Variants in IWS1 observed in about 807,000 individuals in gnomAD.
The protein encoded by IWS1 is protein IWS1 homolog.
In IWS1, 27 loss-of-function variants were observed where a neutral mutation model predicts 86.7. The ratio of observed to expected loss-of-function variants is 0.31; its 90% CI spans 0.23 to 0.43. IWS1 has a LOEUF of 0.43. Among genes scored for constraint, IWS1 ranks in the 20% least tolerant of loss-of-function variants. The probability of loss-of-function intolerance (pLI) is 1.00; values close to 1 mark genes in which losing one functional copy is unlikely to be tolerated. For missense variants in IWS1, 827 were observed against 1,000.8 expected, an observed-to-expected ratio of 0.83 and a Z score of 2.34; for synonymous variants, 313 against 335.1, an observed-to-expected ratio of 0.93 and a Z score of 0.72.
chr2:127,526,151 C>T, intron 1 of IWS1, 24 bp downstream of exon 1: 3 of 1,590,658 alleles, frequency 1.9e-6, no homozygotes, highest in Non-Finnish European at 2.6e-6. Context: ...CCTCCCAGCC[C>T]GGTCCCCCAG....
At chr2:127,498,026 T>A in intron 6 of IWS1, 114 bp downstream of exon 6, 1 of 731,820 alleles carries the variant, frequency 1.4e-6, no homozygotes. Context: ...AAAACAGGAA[T>A]AGACCCACTC....
At chr2:127,510,911 G>C (rs1216257388) in intron 2 of IWS1, among the ~76,000 whole-genome samples, 1 of 152,076 alleles carries the variant, frequency 6.6e-6, no homozygotes, top group Non-Finnish European at 1.5e-5. Flanking sequence ...ACAAACTTTT[G>C]TGCTTCTCAC....
At chr2:127,508,376 G>A (rs188923811) in intron 2 of IWS1, among the ~76,000 whole-genome samples, 19 of 152,308 alleles carry the variant, frequency 1.2e-4, no homozygotes, top group Non-Finnish European at 2.4e-4. Context: ...GCAGACAACA[G>A]GCATGTTTGC....
intron 2 of IWS1, among the ~76,000 whole-genome samples, 158 bp downstream of exon 2, chr2:127,523,518 C>T (rs1692221956): frequency 6.6e-6 from 1 of 152,206 alleles, no homozygotes; most frequent in Admixed American, 6.5e-5. Flanking sequence ...CAGACCATCC[C>T]TATTTATTTT....
intron 7 of IWS1, among the ~76,000 whole-genome samples, chr2:127,495,357 G>A (rs1386898961): frequency 6.6e-6 from 1 of 152,078 alleles, no homozygotes; most frequent in Non-Finnish European, 1.5e-5. Flanking sequence ...TATTACTTGG[G>A]CAGTTTTTTC....
At chr2:127,521,704 A>G (rs1692105334) in intron 2 of IWS1, among the ~76,000 whole-genome samples, 1 of 152,272 alleles carries the variant, frequency 6.6e-6, no homozygotes, top group Non-Finnish European at 1.5e-5. Context: ...ATGGGTACTC[A>G]AAGTATACAT....
rs1430062499 is a variant in IWS1, at chr2:127,496,076, G to A, written c.1638C>T (p.Asn546=). 3 of 1,613,864 alleles carry A rather than the reference G, an allele frequency of 1.9e-6. No individual in the cohort carries two copies. In the East Asian group the frequency reaches 6.7e-5, roughly 36 times the overall value. Residue 546 remains asparagine, a synonymous_variant, in exon 7 of 14, where the codon AAC becomes AAT. Transcript: ENST00000295321. ...CACTAATAAAGGTGCCACCATCGCG[G>A]TTCCGTCTGCGCTTGCCACTCATGC... ...KKSMSGKRRR[N]RDGGTFISDA...
chr2:127,507,636 T>TA (rs753211505), intron 2 of IWS1, among the ~76,000 whole-genome samples: 1 of 152,320 alleles, frequency 6.6e-6, no homozygotes, highest in Non-Finnish European at 1.5e-5. Flanking sequence ...CTTCATAATT[T>TA]AAAAGAATGC....
chr2:127,494,903 A>G lies in IWS1; in HGVS notation c.1768T>C (p.Leu590=). The change falls in exon 8 of 14, where the codon TTA becomes CTA. Residue 590 remains leucine (L), a synonymous_variant. Transcript: ENST00000295321. ...AGGTGCATAACTACAGCAGGCAGTA[A>G]AGTTAATTTTTTCAGTGCTGGCTTT... ...QKKPALKKLT[L]LPAVVMHLKK... is the part of the protein sequence containing the mutation. 6.2e-7 allele frequency: 1 copy of G among 1,604,996 alleles called. No individual in the cohort carries two copies. The highest frequency in any genetic ancestry group is 8.5e-7 in the Non-Finnish European group (1 of 1,174,950).
chr2:127,498,067 CAA>C (rs1690609358), intron 6 of IWS1, 71 bp downstream of exon 6: 13 of 1,194,284 alleles, frequency 1.1e-5, no homozygotes, highest in Non-Finnish European at 1.5e-5. Flanking sequence ...AAATGAAAAA[CAA>C]AAGAGAGTTT....
In IWS1 at chr2:127,481,180, G is replaced by A. The variant is rs996602495; in HGVS notation, c.2329-5C>T. ...CTTCTTGGAGGTCGCCTGAAACTAA[G>A]AGTAAGGGAAAAATTAAAGAGCAAA... On this transcript the variant is annotated splice_region_variant and splice_polypyrimidine_tract_variant and intron_variant, in intron 13 of 13. Transcript: ENST00000295321. The A allele has an allele frequency of 6.3e-7, 1 of 1,587,398 alleles. No homozygotes were observed. Among genetic ancestry groups the A allele is most frequent in the Non-Finnish European group, 8.5e-7 (1 of 1,172,086 alleles).
At position 127,489,767 on chromosome 2, in the gene IWS1, T is replaced by C. The variant is rs1690124074; in HGVS notation, c.2159+65A>G. On this transcript the variant is annotated intron_variant, in intron 11 of 13. Transcript: ENST00000295321. The surrounding 1 kb of genome is among the most constrained non-coding windows in gnomAD (Gnocchi z 4.8). ...CATCTTGCAGGCTTCCTAATGATCTTACTTAAAACTGAGTTACTGCAACAA... is the reference window on the plus strand; with the variant it reads ...CATCTTGCAGGCTTCCTAATGATCTCACTTAAAACTGAGTTACTGCAACAA... 1 of 883,726 alleles carries C rather than the reference T, an allele frequency of 1.1e-6. No homozygotes were observed. Among genetic ancestry groups the C allele is most frequent in the Non-Finnish European group, 1.9e-6 (1 of 518,996 alleles). 54.7% of individuals were successfully genotyped at this position (883,726 alleles called of 1,614,324 possible). A position where few individuals can be genotyped will look rare whatever the true frequency, so the allele number is the denominator to read the frequency against.
chr2:127,513,471 T>C (rs1359005622), intron 2 of IWS1, among the ~76,000 whole-genome samples: 1 of 152,198 alleles, frequency 6.6e-6, no homozygotes, highest in Admixed American at 6.5e-5. Flanking sequence ...TATCTTTCCA[T>C]GTATGCTTCC....
rs777195207 is a variant in IWS1 at position 127,493,258 on chromosome 2, C to G, written c.1929+23G>C. On this transcript the variant is annotated intron_variant, in intron 9 of 13. Transcript: ENST00000295321. ...ACCACATTAGATAATTAATAAAGAA[C>G]AGTCAGATTATCTGCCTCTAACCTC... The G allele has an allele frequency of 1.9e-6, 3 of 1,596,972 alleles. No homozygotes were observed. In the East Asian group the frequency reaches 6.7e-5, roughly 36 times the overall value.
At chr2:127,520,276 C>T (rs745910131) in intron 2 of IWS1, among the ~76,000 whole-genome samples, 14 of 152,186 alleles carry the variant, frequency 9.2e-5, no homozygotes, top group Non-Finnish European at 1.9e-4. Flanking sequence ...TCAAGAGATT[C>T]TCCTGCCTCA....
intron 2 of IWS1, among the ~76,000 whole-genome samples, chr2:127,510,689 G>C (rs920445788): frequency 1.3e-4 from 20 of 150,812 alleles, no homozygotes; most frequent in African/African-American, 4.9e-4. Context: ...GACAGTCTGT[G>C]TTGCCCAGGC....
intron 5 of IWS1, 23 bp from the exon 6 acceptor site, chr2:127,498,260 C>T: frequency 6.2e-7 from 1 of 1,600,026 alleles, no homozygotes; most frequent in South Asian, 1.1e-5. Context: ...TTATCACAAC[C>T]TCCTTACAGA....
rs1690923706 is a variant in IWS1 at position 127,503,479 on chromosome 2, G to A, written c.1317C>T (p.Asp439=). Residue 439 remains aspartate (D), a synonymous_variant, in exon 4 of 14, where the codon GAC becomes GAT. Transcript: ENST00000295321. ...ATTCTTTCCCAGCTTCTTCCTCACT[G>A]TCAGATGCTATGGTCTTCTCTCTTT... ...SGKREKTIAS[D]SEEEAGKELS... is the part of the protein sequence containing the mutation. The A allele has an allele frequency of 1.2e-6, 2 of 1,613,006 alleles. No homozygotes were observed. Among genetic ancestry groups the A allele is most frequent in the African/African-American group, 1.3e-5 (1 of 74,816 alleles).
Position 127,505,574 on chromosome 2 carries a change from T to C in IWS1, c.329A>G (p.Asn110Ser), listed in dbSNP as rs980065317. Residue 110 changes from asparagine (N) to serine (S), a missense_variant, in exon 3 of 14, where the codon AAT (asparagine) becomes AGT (serine). Transcript: ENST00000295321. This position sits in a 1 kb window ranked among gnomAD's most constrained non-coding sequence, Gnocchi z 5.0. ...GCTCCCATGCTGATTGACATCCTCA[T>C]TTTCAGAATCGCTTGCAGGAGGCTC... ...RAEPPASDSE[N>S]EDVNQHGSDS... The C allele has an allele frequency of 1.2e-6, 2 of 1,613,982 alleles. No homozygotes were observed. The highest frequency in any genetic ancestry group is 1.7e-6 in the Non-Finnish European group (2 of 1,179,988).
Sources: gnomAD v4.1 joint callset for allele counts (sites outside exome capture counted in the v4.1 genomes callset) on GRCh38, gnomAD v4.1.1 for gene constraint, Gnocchi (gnomAD v3.1) non-coding constraint, MANE v1.5 for transcripts, NCBI Gene and HGNC (gene_info 2026-07-23, HGNC 2026-07-21) for gene names.